The following PPP2R3B variants were observed in gnomAD, a reference collection of about 807,000 sequenced individuals.
PPP2R3B encodes the protein protein phosphatase 2 regulatory subunit B''beta, also known as serine/threonine-protein phosphatase 2A regulatory subunit B'' subunit beta.
In PPP2R3B, 68 loss-of-function variants were observed where a neutral mutation model predicts 72.9. That is an observed-to-expected ratio of 0.93 (90% CI 0.77 to 1.14). The LOEUF (loss-of-function observed/expected upper bound fraction) is 1.14, where lower values mean the gene tolerates loss of function less well. Ranked by LOEUF, PPP2R3B falls within the 50% of genes most tolerant of loss-of-function variation. PPP2R3B has a pLI of 0.00. For missense variants in PPP2R3B, 1,018 were observed against 842.0 expected (o/e 1.21, Z -2.59); for synonymous variants, 466 against 375.8 (o/e 1.24, Z -2.78).
intron 1 of PPP2R3B, among the ~76,000 whole-genome samples, chrX:381,017 C>T (rs2072112983): frequency 6.6e-6 from 1 of 151,610 alleles, no homozygotes; most frequent in Non-Finnish European, 1.5e-5. Context: ...CTCACTGCAG[C>T]CTCGAACTCC....
chrX:356,476 G>A (rs1268616917), intron 2 of PPP2R3B, among the ~76,000 whole-genome samples: 4 of 152,104 alleles, frequency 2.6e-5, no homozygotes, highest in Middle Eastern at 3.2e-3. Flanking sequence ...TCAGCCTCCC[G>A]AAGTGCTGGG....
rs201799096 is a variant in PPP2R3B, at chrX:338,861, G to A, written c.1387C>T (p.Leu463=). 5 of 1,612,344 alleles carry A rather than the reference G, an allele frequency of 3.1e-6. No homozygotes were observed. The East Asian group carries it at 8.9e-5, about 29-fold the overall frequency. Residue 463 remains leucine, a synonymous_variant, in exon 11 of 13, where the codon CTG becomes TTG. Transcript: ENST00000390665. The part of the protein sequence containing the change: ...ITLQDLKRCK[L]ANVFFDTFFN... ...AAGGTGTCGAAGAAGACGTTAGCCA[G>A]CTTGCAGCGCTTCAGGTCCTGCAGC...
Position 386,513 on chromosome X carries a change from G to T in PPP2R3B, c.179C>A (p.Thr60Lys). 1 of 1,342,666 alleles carries T rather than the reference G, an allele frequency of 7.4e-7. No homozygotes were observed. Among genetic ancestry groups the T allele is most frequent in the Non-Finnish European group, 9.6e-7 (1 of 1,044,526 alleles). The allele number at this position is 1,342,666 out of a possible 1,614,324, so 83.2% of individuals were successfully genotyped here. A position where few individuals can be genotyped will look rare whatever the true frequency, so the allele number is the denominator to read the frequency against. The change falls in exon 1 of 13, where the codon ACA becomes AAA. Residue 60 changes from threonine (T) to lysine (K), a missense_variant. Transcript: ENST00000390665. ...GGGCCGGGGGGCGGCGAGCGGGGCTGTGGGCCAGGCCCCGGGCTGCTCCCC... is the reference window on the plus strand; with the variant it reads ...GGGCCGGGGGGCGGCGAGCGGGGCTTTGGGCCAGGCCCCGGGCTGCTCCCC... ...GDGEQPGAWP[T>K]APLAAPRPSG...
intron 9 of PPP2R3B, 94 bp downstream of exon 9, chrX:341,213 A>C: frequency 7.2e-7 from 1 of 1,387,408 alleles, no homozygotes; most frequent in Non-Finnish European, 1.0e-6. Context: ...TGCAGCCCCC[A>C]CCAGGCGTGC....
At chrX:377,653 G>C (rs2072026635) in intron 1 of PPP2R3B, among the ~76,000 whole-genome samples, 1 of 140,000 alleles carries the variant, frequency 7.1e-6, no homozygotes. Flanking sequence ...ACTGTATGCA[G>C]GGACGGGCCG....
chrX:379,148 C>T (rs1169598122), intron 1 of PPP2R3B, among the ~76,000 whole-genome samples: 1 of 146,000 alleles, frequency 6.8e-6, no homozygotes, highest in East Asian at 2.1e-4. Context: ...TGTGTGTATG[C>T]ACCTATGTGT....
At chrX:334,619 GAC>G (rs1215808777) in intron 12 of PPP2R3B, 102 bp from the exon 13 acceptor site, 1 of 1,298,048 alleles carries the variant, frequency 7.7e-7, no homozygotes, top group African/African-American at 1.6e-5. Flanking sequence ...TCCAGCACGA[GAC>G]AGTCCCCTGA....
chrX:372,798 A>C (rs1188475400), intron 1 of PPP2R3B, among the ~76,000 whole-genome samples: 1 of 152,122 alleles, frequency 6.6e-6, no homozygotes, highest in Non-Finnish European at 1.5e-5. Context: ...TCCCTACTAA[A>C]AATGCAAAAA....
chrX:338,780 T>C lies in PPP2R3B; in HGVS notation c.1468A>G (p.Arg490Gly). The part of the protein sequence containing the change: ...HEQKEQISLL[R>G]DGDSGGPELS... ...GCCCGCGTGCCCGCCGCACTCACCC[T>C]GAGCAGGGAGATCTGCTCTTTCTGC... is the stretch of plus-strand genomic sequence containing the variant. The change falls in exon 11 of 13, where the codon AGG (arginine) becomes GGG (glycine). Residue 490 changes from arginine (R) to glycine (G), a missense_variant and splice_region_variant. By Grantham distance (125) the Arg-to-Gly change is moderately radical. Coordinates refer to ENST00000390665, the MANE Select transcript of PPP2R3B (RefSeq NM_013239.5). 2 of 1,612,228 alleles carry C rather than the reference T, an allele frequency of 1.2e-6. No homozygotes were observed. The highest frequency in any genetic ancestry group is 1.7e-6 in the Non-Finnish European group (2 of 1,179,526).
chrX:364,524 A>AC (rs1485974434), intron 1 of PPP2R3B, among the ~76,000 whole-genome samples: 36 of 146,156 alleles, frequency 2.5e-4, no homozygotes, highest in African/African-American at 7.6e-4. Flanking sequence ...AAAAAAACAA[A>AC]AAAAAAAAAA....
chrX:386,767 C>T lies in PPP2R3B; in HGVS notation c.-76G>A. On this transcript the variant is annotated 5_prime_UTR_variant, in exon 1 of 13. Coordinates refer to ENST00000390665, the MANE Select transcript of PPP2R3B (RefSeq NM_013239.5). ...CCGGGGGCTTCGGTCCGCCCCGGAC[C>T]GACCTCGGTGATGCGAGCACGGCCC... 4 of 982,416 alleles carry T rather than the reference C, an allele frequency of 4.1e-6. 1 individual carries two copies. The highest frequency in any genetic ancestry group is 9.8e-5 in the South Asian group (2 of 20,340). 60.9% of individuals were successfully genotyped at this position (982,416 alleles called of 1,614,324 possible). A position where few individuals can be genotyped will look rare whatever the true frequency, so the allele number is the denominator to read the frequency against.
At chrX:342,231 G>C in intron 7 of PPP2R3B, 1 of 561,408 alleles carries the variant, frequency 1.8e-6, no homozygotes, top group East Asian at 3.0e-5. Context: ...CAGACGGAGA[G>C]AGAGACCTCG....
At chrX:383,610 G>A (rs1412333715) in intron 1 of PPP2R3B, among the ~76,000 whole-genome samples, 1 of 151,886 alleles carries the variant, frequency 6.6e-6, no homozygotes, top group African/African-American at 2.4e-5. Context: ...GGCCGAGGCG[G>A]GCGGATCACG....
At position 334,316 on chromosome X, in the gene PPP2R3B, C is replaced by G. The variant is rs192510017; in HGVS notation, c.*51G>C. 2.1e-6 allele frequency: 3 copies of G among 1,432,470 alleles called. No homozygotes were observed. The highest frequency in any genetic ancestry group is 1.5e-5 in the African/African-American group (1 of 66,276). 88.7% of individuals were successfully genotyped at this position (1,432,470 alleles called of 1,614,324 possible). A position where few individuals can be genotyped will look rare whatever the true frequency, so the allele number is the denominator to read the frequency against. ...AGTTTTTACACGAGCCGCGGTGGCC[C>G]GGTGGTGGCACGTGGGGAGCGGCCC... On this transcript the variant is annotated 3_prime_UTR_variant, in exon 13 of 13. Transcript: ENST00000390665.
At chrX:363,944 C>G (rs1192633425) in intron 1 of PPP2R3B, among the ~76,000 whole-genome samples, 1 of 152,248 alleles carries the variant, frequency 6.6e-6, no homozygotes, top group Admixed American at 6.5e-5. Context: ...CTGCCAAGAA[C>G]CCTGGACAGA....
chrX:361,368 C>T (rs767211388), intron 2 of PPP2R3B, 37 bp downstream of exon 2: 1 of 1,610,664 alleles, frequency 6.2e-7, no homozygotes, highest in Non-Finnish European at 8.5e-7. Flanking sequence ...CCCGCAGTAC[C>T]ACCTCGGCTG....
intron 10 of PPP2R3B, among the ~76,000 whole-genome samples, chrX:339,246 C>T (rs1225309920): frequency 1.5e-5 from 2 of 131,510 alleles, no homozygotes; most frequent in African/African-American, 5.8e-5. Context: ...CCCGGGGACA[C>T]TGAGCAGCAG....
At chrX:361,625 TGGGAGCATCGAACGCCTTCTTCACCC>T in intron 1 of PPP2R3B, 35 bp from the exon 2 acceptor site, 1 of 1,606,918 alleles carries the variant, frequency 6.2e-7, no homozygotes, top group South Asian at 1.1e-5. Flanking sequence ...AGTTAGAACC[TGGGAGCATCGAACGCCTTCTTCACCC>T]GGACAACACA....
At chrX:359,361 G>A (rs939290541) in intron 2 of PPP2R3B, among the ~76,000 whole-genome samples, 35 of 152,224 alleles carry the variant, frequency 2.3e-4, no homozygotes, top group Non-Finnish European at 4.4e-4. Flanking sequence ...CCAGGGCACG[G>A]AGCAGGTGCT....
Sources: gnomAD v4.1 joint callset for allele counts (sites outside exome capture counted in the v4.1 genomes callset) on GRCh38, gnomAD v4.1.1 for gene constraint, MANE v1.5 for transcripts, NCBI Gene and HGNC (gene_info 2026-07-23, HGNC 2026-07-21) for gene names.